The following PCDH15 variants were observed in gnomAD, a reference collection of about 807,000 sequenced individuals.
The protein encoded by PCDH15 is protocadherin-15.
Under a neutral mutation model 178.5 loss-of-function variants are expected in PCDH15, and 129 were observed. The ratio of observed to expected loss-of-function variants is 0.72; its 90% confidence interval spans 0.63 to 0.84. The LOEUF is 0.84. Among genes scored for constraint, PCDH15 ranks in the 40% least tolerant of loss-of-function variants. The pLI is 0.00. For synonymous variants in PCDH15, 800 were observed against 732.0 expected (o/e 1.09, Z -1.50); for missense variants, 2,230 against 2,099.9 (o/e 1.06, Z -1.21).
chr10:53,837,115 G>T (rs568216469), intron 29 of PCDH15, among the ~76,000 whole-genome samples: 1 of 151,994 alleles, frequency 6.6e-6, no homozygotes, highest in Admixed American at 6.6e-5. Context: ...GGGGAGGGGA[G>T]CAGAGTCAGA....
intron 8 of PCDH15, among the ~76,000 whole-genome samples, chr10:54,268,471 C>T (rs2057836528): frequency 6.6e-6 from 1 of 151,798 alleles, no homozygotes; most frequent in Admixed American, 6.6e-5. Context: ...CTTGCATGTT[C>T]TATTGCAAAT....
At chr10:55,083,453 T>C (rs1842092520) in intron 2 of PCDH15, among the ~76,000 whole-genome samples, 1 of 151,840 alleles carries the variant, frequency 6.6e-6, no homozygotes, top group South Asian at 2.1e-4. Flanking sequence ...GGTAGCATCA[T>C]ACTGAAGAGT....
chr10:54,508,124 T>C (rs1049579977), intron 3 of PCDH15, among the ~76,000 whole-genome samples: 1 of 151,990 alleles, frequency 6.6e-6, no homozygotes, highest in Non-Finnish European at 1.5e-5. Context: ...AACTAGGACA[T>C]AGAGTATCTG....
At chr10:55,159,490 TAC>T (rs529106499) in intron 2 of PCDH15, among the ~76,000 whole-genome samples, 6 of 148,050 alleles carry the variant, frequency 4.1e-5, no homozygotes, top group East Asian at 2.0e-4. Context: ...CACACACACA[TAC>T]ACACACACAC....
chr10:54,877,527 C>T (rs576563951), intron 3 of PCDH15, among the ~76,000 whole-genome samples: 20 of 152,198 alleles, frequency 1.3e-4, no homozygotes, highest in African/African-American at 4.3e-4. Flanking sequence ...GTAAATGTAT[C>T]ATTGAAATTT....
chr10:54,008,466 T>C (rs1447948102), intron 20 of PCDH15, among the ~76,000 whole-genome samples: 3 of 152,136 alleles, frequency 2.0e-5, no homozygotes, highest in Non-Finnish European at 2.9e-5. Flanking sequence ...AGATACAGAA[T>C]GAGGGTTACT....
chr10:54,256,262 A>T (rs558892930), intron 8 of PCDH15, among the ~76,000 whole-genome samples: 62 of 152,290 alleles, frequency 4.1e-4, no homozygotes, highest in African/African-American at 1.5e-3. Context: ...GGCAGAAAAG[A>T]TAAAAAAAAG....
At chr10:55,203,666 A>G (rs1840313775) in intron 1 of PCDH15, among the ~76,000 whole-genome samples, 1 of 152,076 alleles carries the variant, frequency 6.6e-6, no homozygotes. Flanking sequence ...TCCTTTAAAT[A>G]TCTTTCTCAT....
intron 2 of PCDH15, among the ~76,000 whole-genome samples, chr10:55,369,771 C>T (rs919322397): frequency 3.3e-5 from 5 of 151,844 alleles, no homozygotes; most frequent in African/African-American, 1.2e-4. Flanking sequence ...TGCCTCATAA[C>T]CCAGAATAAA....
intron 21 of PCDH15, among the ~76,000 whole-genome samples, chr10:53,962,414 A>G (rs1202501942): frequency 7.2e-5 from 11 of 152,180 alleles, no homozygotes; most frequent in African/African-American, 2.4e-4. Flanking sequence ...AGGAATGGAC[A>G]TGAAAGCTAA....
At position 54,862,479 on chromosome 10, in the gene PCDH15, T is replaced by C. The variant is rs796821314; in HGVS notation, c.-29+34971A>G. On this transcript the variant is annotated intron_variant, in intron 3 of 5. Transcript: ENST00000458638. ...AATAGTTTTTATGCCCATTTGATCA[T>C]AGTTAGCTGCTACAGCTTATATGCG... Among the ~76,000 whole-genome samples the C allele has an allele frequency of 2.1e-4, 32 of 152,268 alleles. 1 individual carries two copies. The highest frequency in any genetic ancestry group is 7.5e-4 in the African/African-American group (31 of 41,574).
intron 2 of PCDH15, among the ~76,000 whole-genome samples, chr10:55,503,532 T>C (rs1435101642): frequency 6.6e-6 from 1 of 151,100 alleles, no homozygotes; most frequent in Non-Finnish European, 1.5e-5. Flanking sequence ...CAATCTGAAA[T>C]GTAGCATAGG....
At chr10:53,999,617 A>G (rs1244825234) in intron 20 of PCDH15, among the ~76,000 whole-genome samples, 2 of 152,156 alleles carry the variant, frequency 1.3e-5, no homozygotes, top group Non-Finnish European at 2.9e-5. Flanking sequence ...AGGGTCTTTG[A>G]TAGTGGCACA....
intron 3 of PCDH15, among the ~76,000 whole-genome samples, chr10:54,396,196 C>G (rs1381223704): frequency 1.3e-5 from 2 of 152,158 alleles, no homozygotes; most frequent in African/African-American, 2.4e-5. Context: ...CATTAACAAG[C>G]TTTACTTAGC....
chr10:54,298,618 G>A (rs2059944567), intron 8 of PCDH15, among the ~76,000 whole-genome samples: 1 of 152,216 alleles, frequency 6.6e-6, no homozygotes, highest in African/African-American at 2.4e-5. Flanking sequence ...AGAGGGCAAA[G>A]GTTCTCTGGG....
intron 37 of PCDH15, among the ~76,000 whole-genome samples, 189 bp from the exon 38 acceptor site, chr10:53,807,319 T>C (rs1841253404): frequency 6.6e-6 from 1 of 152,158 alleles, no homozygotes; most frequent in Non-Finnish European, 1.5e-5. Context: ...TGGCTTTAGA[T>C]CTTTCTTATT....
chr10:54,860,827 G>A (rs566557109), intron 3 of PCDH15, among the ~76,000 whole-genome samples: 7 of 152,162 alleles, frequency 4.6e-5, no homozygotes, highest in South Asian at 2.1e-4. Context: ...GTTATTTGTG[G>A]GCAGATTGAA....
chr10:53,821,673 C>A, intron 32 of PCDH15: 1 of 1,363,876 alleles, frequency 7.3e-7, no homozygotes, highest in South Asian at 1.7e-5. Context: ...TAAGGTAAAT[C>A]TATTATATGA....
chr10:55,134,991 A>T (rs1453897699), intron 2 of PCDH15, among the ~76,000 whole-genome samples: 4 of 152,162 alleles, frequency 2.6e-5, no homozygotes, highest in Non-Finnish European at 4.4e-5. Flanking sequence ...CTTAAAGAAC[A>T]AGATCTTAGT....
Sources: allele counts gnomAD v4.1 joint callset (sites outside exome capture counted in the v4.1 genomes callset), GRCh38; gene constraint gnomAD v4.1.1; transcripts MANE v1.5; gene names NCBI Gene and HGNC (gene_info 2026-07-23, HGNC 2026-07-21).